DYRK4: variants seen among roughly 807,000 people sequenced by gnomAD.
DYRK4 encodes the protein dual specificity tyrosine phosphorylation regulated kinase 4, also known as dual specificity tyrosine-phosphorylation-regulated kinase 4.
DYRK4 carries 64 observed loss-of-function variants against 68.3 expected under a neutral mutation model. The observed-to-expected ratio is 0.94, with a 90% CI of 0.77 to 1.15. The LOEUF is 1.15. DYRK4 is among the 50% of genes most tolerant of loss of function. The probability of loss-of-function intolerance (pLI) is 0.00; values close to 1 mark genes in which losing one functional copy is unlikely to be tolerated. For missense variants in DYRK4, 740 were observed against 764.7 expected, an observed-to-expected ratio of 0.97 and a Z score of 0.38; for synonymous variants, 274 against 289.9, an observed-to-expected ratio of 0.95 and a Z score of 0.56.
intron 2 of DYRK4, among the ~76,000 whole-genome samples, chr12:4,571,876 T>TA (rs1944733958): frequency 7.2e-5 from 11 of 152,362 alleles, no homozygotes; most frequent in Admixed American, 6.5e-4. Flanking sequence ...GGCAAAGGTT[T>TA]TACTGGACTG....
chr12:4,592,707 T>TAG lies in DYRK4; in HGVS notation c.464-295_464-294insAG, dbSNP rs1362784123. The TAG allele has an allele frequency of 1.5e-5, 4 of 270,746 alleles. No individual in the cohort carries two copies. In the Admixed American group the frequency reaches 2.0e-4, roughly 13 times the overall value. The allele number at this position is 270,746 out of a possible 1,614,324, so 16.8% of individuals were successfully genotyped here. A position where few individuals can be genotyped will look rare whatever the true frequency, so the allele number is the denominator to read the frequency against. Reference sequence around the variant, plus strand: ...ACTATATACTATTGTCGACACTAATTTGACTCCTGGAATTTTTACCTGCGC... The same window carrying TAG: ...ACTATATACTATTGTCGACACTAATTAGTGACTCCTGGAATTTTTACCTGCGC... On this transcript the variant is annotated intron_variant, in intron 5 of 14. Transcript: ENST00000543431.
chr12:4,598,345 A>G (rs978413926), intron 8 of DYRK4, among the ~76,000 whole-genome samples: 3 of 152,202 alleles, frequency 2.0e-5, no homozygotes, highest in Non-Finnish European at 2.9e-5. Context: ...TTCTCTCCCC[A>G]TCTCACAGCT....
At chr12:4,589,149 C>A in intron 3 of DYRK4, 132 bp downstream of exon 3, 2 of 680,614 alleles carry the variant, frequency 2.9e-6, no homozygotes, top group Non-Finnish European at 4.9e-6. Context: ...GCACTCTATC[C>A]ACGTCACCAC....
intron 2 of DYRK4, among the ~76,000 whole-genome samples, chr12:4,578,381 A>G (rs1296916557): frequency 6.6e-6 from 1 of 152,088 alleles, no homozygotes; most frequent in Non-Finnish European, 1.5e-5. Context: ...GCTATGTATA[A>G]TATGTTATTA....
intron 3 of DYRK4, chr12:4,590,049 T>A (rs1944935803): frequency 2.2e-6 from 2 of 921,184 alleles, no homozygotes; most frequent in Admixed American, 5.0e-5. Flanking sequence ...ATGGTAGTGA[T>A]GAAATAATTG....
Position 4,590,535 on chromosome 12 carries a change from G to T in DYRK4, c.324+95G>T, listed in dbSNP as rs371358359. The T allele has an allele frequency of 2.0e-6, 3 of 1,479,756 alleles. No homozygotes were observed. The African/African-American group carries it at 4.2e-5, about 21-fold the overall frequency. 91.7% of individuals were successfully genotyped at this position (1,479,756 alleles called of 1,614,324 possible). A position where few individuals can be genotyped will look rare whatever the true frequency, so the allele number is the denominator to read the frequency against. ...GAAAGGCCCAGGATAGTGGGGAAAA[G>T]CACAGTAGCTGCTGAAGAGGTGGGT... On this transcript the variant is annotated intron_variant, in intron 4 of 14. Transcript: ENST00000543431.
chr12:4,596,516 T>C, intron 7 of DYRK4, 73 bp from the exon 8 acceptor site: 2 of 1,561,810 alleles, frequency 1.3e-6, no homozygotes, highest in Non-Finnish European at 1.7e-6. Context: ...AGGGGCTGAC[T>C]GCTGCAGCGG....
intron 3 of DYRK4, chr12:4,590,115 A>G (rs990395941): frequency 7.6e-7 from 1 of 1,309,872 alleles, no homozygotes. Flanking sequence ...AGTAAGTAGT[A>G]GAGCAGGGAC....
At chr12:4,584,936 T>A (rs1267712498) in intron 2 of DYRK4, among the ~76,000 whole-genome samples, 1 of 152,118 alleles carries the variant, frequency 6.6e-6, no homozygotes, top group East Asian at 1.9e-4. Flanking sequence ...TTTGCTTTTT[T>A]TTTCTTCTGA....
intron 1 of DYRK4, 105 bp from the exon 2 acceptor site, chr12:4,567,850 C>T (rs1178863535): frequency 3.5e-5 from 34 of 975,658 alleles, no homozygotes; most frequent in Non-Finnish European, 3.8e-5. Context: ...GGCCTGTTGC[C>T]TTCTTTTCTT....
At chr12:4,608,339 A>C (rs962766322) in intron 12 of DYRK4, among the ~76,000 whole-genome samples, 1 of 152,164 alleles carries the variant, frequency 6.6e-6, no homozygotes, top group African/African-American at 2.4e-5. Flanking sequence ...ACAATCCCAG[A>C]CATTCCTGGC....
In DYRK4 at chr12:4,613,843, T is replaced by C; in HGVS notation, c.*90T>C. On this transcript the variant is annotated 3_prime_UTR_variant, in exon 15 of 15. Transcript: ENST00000543431. The surrounding 1 kb of genome is among the most constrained non-coding windows in gnomAD (Gnocchi z 4.0). Reference sequence around the variant, plus strand: ...GTACAATACTTCAGACTGTTTTTTTTAAATACATAAAACTTTATGTTAAAA... The same window carrying C: ...GTACAATACTTCAGACTGTTTTTTTCAAATACATAAAACTTTATGTTAAAA... 7.4e-7 allele frequency: 1 copy of C among 1,360,314 alleles called. No individual in the cohort carries two copies. Among genetic ancestry groups the C allele is most frequent in the Non-Finnish European group, 9.6e-7 (1 of 1,043,328 alleles). The allele number at this position is 1,360,314 out of a possible 1,614,324, so 84.3% of individuals were successfully genotyped here.
rs773849592 is a variant in DYRK4, at chr12:4,613,477, G to A, written c.1667-38G>A. ...GACAATTAACATATAATCCACATTT[G>A]AATCTTGTTCCCTTCTGTCTTCTCT... is the stretch of plus-strand genomic sequence containing the variant. On this transcript the variant is annotated intron_variant, in intron 14 of 14. Coordinates refer to ENST00000543431, the MANE Select transcript of DYRK4 (RefSeq NM_001394779.1). The surrounding 1 kb of genome is among the most constrained non-coding windows in gnomAD (Gnocchi z 4.0). The A allele has an allele frequency of 3.8e-6, 6 of 1,580,586 alleles. No individual in the cohort carries two copies.
chr12:4,566,505 C>G (rs1366273526), intron 1 of DYRK4, among the ~76,000 whole-genome samples: 3 of 152,254 alleles, frequency 2.0e-5, no homozygotes, highest in African/African-American at 4.8e-5. Flanking sequence ...GCTTCCTCAG[C>G]TCCTCCAGCT....
At chr12:4,607,487 G>T (rs1299528256) in intron 12 of DYRK4, 100 bp downstream of exon 12, 5 of 1,324,698 alleles carry the variant, frequency 3.8e-6, no homozygotes, top group Non-Finnish European at 5.4e-6. Flanking sequence ...ATACCAAAGG[G>T]CTGTGATTAA....
At chr12:4,610,068 G>A (rs1357581862) in intron 12 of DYRK4, 87 bp from the exon 13 acceptor site, 26 of 1,240,908 alleles carry the variant, frequency 2.1e-5, no homozygotes, top group Non-Finnish European at 2.8e-5. Context: ...GAGCAAAAGA[G>A]CTACAGAGGC....
intron 9 of DYRK4, 104 bp downstream of exon 9, chr12:4,599,270 C>CTTTTGTTTT (rs375183364): frequency 1.1e-5 from 5 of 461,174 alleles, no homozygotes; most frequent in African/African-American, 2.9e-5. Flanking sequence ...TTGCCTTTGA[C>CTTTTGTTTT]TTTTTTTTTT....
At chr12:4,596,802 A>G (rs914213022) in intron 8 of DYRK4, 73 bp downstream of exon 8, 7 of 1,593,322 alleles carry the variant, frequency 4.4e-6, no homozygotes, top group Non-Finnish European at 6.0e-6. Flanking sequence ...AGGTCAGAAC[A>G]CTAGATTTCT....
chr12:4,598,833 GAC>G (rs1945047626), intron 8 of DYRK4, among the ~76,000 whole-genome samples, 193 bp from the exon 9 acceptor site: 1 of 152,184 alleles, frequency 6.6e-6, no homozygotes, highest in South Asian at 2.1e-4. Context: ...CTGAGAGTCT[GAC>G]ACAGTTTCAC....
Sources: gnomAD v4.1 joint callset for allele counts (sites outside exome capture counted in the v4.1 genomes callset) on GRCh38, gnomAD v4.1.1 for gene constraint, Gnocchi (gnomAD v3.1) non-coding constraint, MANE v1.5 for transcripts, NCBI Gene and HGNC (gene_info 2026-07-23, HGNC 2026-07-21) for gene names.